BDH1: variants seen among roughly 807,000 people sequenced by gnomAD.
The protein encoded by BDH1 is D-beta-hydroxybutyrate dehydrogenase, mitochondrial.
A neutral mutation model predicts 33.1 loss-of-function variants in BDH1; 30 were observed. The ratio of observed to expected loss-of-function variants is 0.91; its 90% CI spans 0.68 to 1.23. The LOEUF is 1.23. BDH1 is among the 50% of genes most tolerant of loss of function. The probability of loss-of-function intolerance (pLI) is 0.00; values close to 1 mark genes in which losing one functional copy is unlikely to be tolerated. For missense variants in BDH1, 443 were observed against 464.4 expected (o/e 0.95, Z 0.42); for synonymous variants, 190 against 183.6 (o/e 1.03, Z -0.28).
intron 4 of BDH1, 33 bp from the exon 5 acceptor site, chr3:197,532,555 C>T (rs1175017732): frequency 1.3e-6 from 2 of 1,561,244 alleles, no homozygotes; most frequent in Admixed American, 1.7e-5. Flanking sequence ...ATGTTAGGAA[C>T]CGGTGGTACA....
At chr3:197,541,886 G>A (rs1715658475) in intron 3 of BDH1, among the ~76,000 whole-genome samples, 1 of 152,188 alleles carries the variant, frequency 6.6e-6, no homozygotes, top group Non-Finnish European at 1.5e-5. Context: ...TGAACAGCTG[G>A]AGGCCACAGC....
intron 5 of BDH1, among the ~76,000 whole-genome samples, chr3:197,524,031 G>C (rs1713836124): frequency 6.6e-6 from 1 of 152,216 alleles, no homozygotes; most frequent in Non-Finnish European, 1.5e-5. Flanking sequence ...GCTAAGTGCT[G>C]ATGTGCTTTG....
chr3:197,532,825 C>T (rs1414493054), intron 4 of BDH1, among the ~76,000 whole-genome samples: 2 of 152,222 alleles, frequency 1.3e-5, no homozygotes, highest in African/African-American at 4.8e-5. Context: ...CTCAATGTAG[C>T]TAGTGATAGA....
rs1713618798 is a variant in BDH1 at position 197,522,142 on chromosome 3, A to G, written c.409+498T>C. 6.6e-6 allele frequency among the ~76,000 whole-genome samples: 1 copy of G among 152,140 alleles called. No individual in the cohort carries two copies. The highest frequency in any genetic ancestry group is 1.5e-5 in the Non-Finnish European group (1 of 68,028). On this transcript the variant is annotated intron_variant, in intron 6 of 7. Transcript: ENST00000392379. The surrounding 1 kb of genome is among the most constrained non-coding windows in gnomAD (Gnocchi z 4.8). ...TCCTGCTCTCCCCTCCTCTTGGAAC[A>G]ACCATATCTGCTCTCTGCCACAATC...
At chr3:197,566,799 C>T (rs895276274) in intron 1 of BDH1, among the ~76,000 whole-genome samples, 1 of 152,162 alleles carries the variant, frequency 6.6e-6, no homozygotes, top group Non-Finnish European at 1.5e-5. Context: ...GGCTCCAAGT[C>T]TTCAAAGTAA....
intron 2 of BDH1, among the ~76,000 whole-genome samples, chr3:197,553,739 G>A (rs149362357): frequency 1.6e-4 from 24 of 152,272 alleles, no homozygotes; most frequent in Non-Finnish European, 3.4e-4. Flanking sequence ...ATGTGAAAAC[G>A]TGTTCCTTAG....
chr3:197,525,951 T>C lies in BDH1; in HGVS notation c.268-3170A>G, dbSNP rs1009326754. 6.6e-6 allele frequency among the ~76,000 whole-genome samples: 1 copy of C among 152,206 alleles called. No homozygotes were observed. Among genetic ancestry groups the C allele is most frequent in the Non-Finnish European group, 1.5e-5 (1 of 68,040 alleles). On this transcript the variant is annotated intron_variant, in intron 5 of 7. Coordinates refer to ENST00000392379, the MANE Select transcript of BDH1 (RefSeq NM_203314.3). The surrounding 1 kb of genome is among the most constrained non-coding windows in gnomAD (Gnocchi z 4.9). ...TCTGGAGTCTCTGTCCACCTCTGTC[T>C]GGCTGCTCAGGGACAAGCTTTTAGT...
rs1711930226 is a variant in BDH1, at chr3:197,510,714, T to TGTGTAC, written c.*1175_*1180dup. Reference sequence around the variant, plus strand: ...GTGTGTGTGTGTGTGTGTGTGTGTGTGTGTACATGTGTGTAAGCACCACGT... The same window carrying TGTGTAC: ...GTGTGTGTGTGTGTGTGTGTGTGTGTGTGTACGTGTACATGTGTGTAAGCACCACGT... On this transcript the variant is annotated 3_prime_UTR_variant, in exon 8 of 8. Transcript: ENST00000392379. The TGTGTAC allele has an allele frequency of 8.1e-6, 1 of 124,138 alleles. No individual in the cohort carries two copies. The highest frequency in any genetic ancestry group is 3.4e-5 in the African/African-American group (1 of 29,022). 7.7% of individuals were successfully genotyped at this position (124,138 alleles called of 1,614,324 possible).
intron 2 of BDH1, among the ~76,000 whole-genome samples, chr3:197,550,391 AC>A (rs1454290884): frequency 6.6e-6 from 1 of 152,152 alleles, no homozygotes; most frequent in Non-Finnish European, 1.5e-5. Flanking sequence ...CCGATAACAC[AC>A]CACATACACT....
Position 197,532,419 on chromosome 3 carries a change from A to G in BDH1, c.260T>C (p.Leu87Ser). 1 of 1,613,796 alleles carries G rather than the reference A, an allele frequency of 6.2e-7. No individual in the cohort carries two copies. Among genetic ancestry groups the G allele is most frequent in the Non-Finnish European group, 8.5e-7 (1 of 1,179,636 alleles). The change falls in exon 5 of 8, where the codon TTG (leucine) becomes TCG (serine). Residue 87 changes from leucine to serine, a missense_variant. By Grantham distance (145) the Leu-to-Ser change is moderately radical. Coordinates refer to ENST00000392379, the MANE Select transcript of BDH1 (RefSeq NM_203314.3). ...SKGFLVFAGC[L>S]MKDKGHDGVK... Reference sequence around the variant, plus strand: ...AGATAACTCGTCTCTTACCTTCATCAAGCAGCCAGCAAACACAAGGAAGCC... The same window carrying G: ...AGATAACTCGTCTCTTACCTTCATCGAGCAGCCAGCAAACACAAGGAAGCC...
At position 197,520,816 on chromosome 3, in the gene BDH1, G is replaced by A. The variant is rs577649888; in HGVS notation, c.409+1824C>T. On this transcript the variant is annotated intron_variant, in intron 6 of 7. Coordinates refer to ENST00000392379, the MANE Select transcript of BDH1 (RefSeq NM_203314.3). The surrounding 1 kb of genome is among the most constrained non-coding windows in gnomAD (Gnocchi z 6.0). ...GTTCTGAGCCGGTAATCACCCCAGC[G>A]GGACCCATCCTGCCTTTTCTTAATG... is the stretch of plus-strand genomic sequence containing the variant. Among the ~76,000 whole-genome samples the A allele has an allele frequency of 2.6e-5, 4 of 152,302 alleles. No homozygotes were observed. Among genetic ancestry groups the A allele is most frequent in the East Asian group, 3.9e-4 (2 of 5,186 alleles).
chr3:197,516,578 G>A lies in BDH1; in HGVS notation c.410-2162C>T, dbSNP rs1712752137. Among the ~76,000 whole-genome samples the A allele has an allele frequency of 6.6e-6, 1 of 152,034 alleles. No individual in the cohort carries two copies. Among genetic ancestry groups the A allele is most frequent in the South Asian group, 2.1e-4 (1 of 4,820 alleles). ...TCGCCTCCGCACCAGTGGCCCCTCA[G>A]TTCTCCTTGGGAGTCACGGCTCTCT... is the stretch of plus-strand genomic sequence containing the variant. On this transcript the variant is annotated intron_variant, in intron 6 of 7. Transcript: ENST00000392379. The surrounding 1 kb of genome is among the most constrained non-coding windows in gnomAD (Gnocchi z 4.2).
rs1232043828 is a variant in BDH1, at chr3:197,516,531, C to T, written c.410-2115G>A. Among the ~76,000 whole-genome samples the T allele has an allele frequency of 2.0e-5, 3 of 152,086 alleles. No individual in the cohort carries two copies. Among genetic ancestry groups the T allele is most frequent in the Non-Finnish European group, 4.4e-5 (3 of 68,012 alleles). On this transcript the variant is annotated intron_variant, in intron 6 of 7. Coordinates refer to ENST00000392379, the MANE Select transcript of BDH1 (RefSeq NM_203314.3). The surrounding 1 kb of genome is among the most constrained non-coding windows in gnomAD (Gnocchi z 4.2). ...ATGCCCGCTGGTTGGGTGACAGCAA[C>T]TTTCCTGTAACATCCCCAAGATCGC...
chr3:197,519,516 T>A (rs1454948616), intron 6 of BDH1, among the ~76,000 whole-genome samples: 1 of 150,532 alleles, frequency 6.6e-6, no homozygotes, highest in Admixed American at 6.6e-5. Context: ...AAAAAAAAAT[T>A]AGCTGGGCAT....
chr3:197,542,153 A>G (rs2108753796), intron 3 of BDH1, among the ~76,000 whole-genome samples: 1 of 152,314 alleles, frequency 6.6e-6, no homozygotes, highest in African/African-American at 2.4e-5. Flanking sequence ...GAGGTGAAGG[A>G]CTATCACAGT....
chr3:197,511,693 G>T lies in BDH1; in HGVS notation c.*202C>A, dbSNP rs8078. On this transcript the variant is annotated 3_prime_UTR_variant, in exon 8 of 8. Transcript: ENST00000392379. ...CCCTGAGATTTAGAGGCCTCTGCCT[G>T]CCACTCCACACCCTGTTTGTGAAGG... The T allele has an allele frequency of 0.099, 49,842 of 501,180 alleles. 3,159 individuals carry two copies. Among genetic ancestry groups the T allele is most frequent in the African/African-American group, 0.22 (11,450 of 51,344 alleles). The allele number at this position is 501,180 out of a possible 1,614,324, so 31.0% of individuals were successfully genotyped here.
intron 6 of BDH1, among the ~76,000 whole-genome samples, chr3:197,518,404 A>G (rs1713076288): frequency 5.6e-5 from 1 of 18,002 alleles, no homozygotes; most frequent in Non-Finnish European, 9.5e-5. Context: ...TATGGACTCC[A>G]TCCCCCCCTC....
At chr3:197,533,233 C>CCG (rs939393538) in intron 4 of BDH1, among the ~76,000 whole-genome samples, 10 of 152,012 alleles carry the variant, frequency 6.6e-5, no homozygotes, top group African/African-American at 1.2e-4. Context: ...AGTTCTCGCC[C>CCG]CCCACCTAGG....
chr3:197,535,680 C>G (rs1163361069), intron 3 of BDH1, among the ~76,000 whole-genome samples: 1 of 152,184 alleles, frequency 6.6e-6, no homozygotes, highest in Non-Finnish European at 1.5e-5. Context: ...ATGCGGCATG[C>G]TTTTGATGTC....
Sources: allele counts gnomAD v4.1 joint callset (sites outside exome capture counted in the v4.1 genomes callset), GRCh38; gene constraint gnomAD v4.1.1; non-coding constraint Gnocchi (gnomAD v3.1); transcripts MANE v1.5; gene names NCBI Gene and HGNC (gene_info 2026-07-23, HGNC 2026-07-21).